The following H1-10 variants were observed in gnomAD, a reference collection of about 807,000 sequenced individuals.
H1-10 encodes the protein H1.10 linker histone, also known as histone H1.10.
For synonymous variants in H1-10, 191 were observed against 140.9 expected (o/e 1.36, Z -2.52); for missense variants, 307 against 297.9 (o/e 1.03, Z -0.22).
chr3:129,315,857 C>T lies in H1-10; in HGVS notation c.46G>A (p.Gly16Arg), dbSNP rs748144767. The T allele has an allele frequency of 2.2e-5, 35 of 1,599,086 alleles. No homozygotes were observed. The highest frequency in any genetic ancestry group is 2.7e-5 in the Non-Finnish European group (32 of 1,173,404). ...GCCTTGGTCACCTTCTTGGCCATTC[C>T]CTCGGCGGTCGTCACTGGCAGGGCC... ...EEALPVTTAE[G>R]MAKKVTKAGG... The change falls in exon 1 of 1, where the codon GGA (glycine) becomes AGA (arginine). Residue 16 changes from glycine to arginine, a missense_variant. Transcript: ENST00000333762.
In H1-10 at chr3:129,314,995, G is replaced by T; in HGVS notation, c.*266C>A. On this transcript the variant is annotated 3_prime_UTR_variant, in exon 1 of 1. Transcript: ENST00000333762. ...CGGCCTCGGCCATCGGCGCCTAGGG[G>T]CCAGTAACCATGACGACGGCCGTTG... 1 of 286,464 alleles carries T rather than the reference G, an allele frequency of 3.5e-6. No individual in the cohort carries two copies. The highest frequency in any genetic ancestry group is 6.4e-6 in the Non-Finnish European group (1 of 156,392). 17.7% of individuals were successfully genotyped at this position (286,464 alleles called of 1,614,324 possible).
In H1-10 at chr3:129,315,256, C is replaced by T; in HGVS notation, c.*5G>A. Reference sequence around the variant, plus strand: ...CACGCCGGCCGCTCTGACCGGCCGACACGCTCACTTGCGGCCCTTGGGCAC... The same window carrying T: ...CACGCCGGCCGCTCTGACCGGCCGATACGCTCACTTGCGGCCCTTGGGCAC... On this transcript the variant is annotated 3_prime_UTR_variant, in exon 1 of 1. Transcript: ENST00000333762. 3 of 1,381,000 alleles carry T rather than the reference C, an allele frequency of 2.2e-6. No individual in the cohort carries two copies. Among genetic ancestry groups the T allele is most frequent in the Non-Finnish European group, 1.9e-6 (2 of 1,068,960 alleles). The allele number at this position is 1,381,000 out of a possible 1,614,324, so 85.5% of individuals were successfully genotyped here. A position where few individuals can be genotyped will look rare whatever the true frequency, so the allele number is the denominator to read the frequency against.
chr3:129,315,223 G>A lies in H1-10; in HGVS notation c.*38C>T, dbSNP rs1373825918. The stretch of plus-strand genomic sequence containing the variant: ...CTTGGGGTAGAAAAACAAAAACACC[G>A]AAAAGCCCACGCCGGCCGCTCTGAC... On this transcript the variant is annotated 3_prime_UTR_variant, in exon 1 of 1. Transcript: ENST00000333762. 5 of 1,302,678 alleles carry A rather than the reference G, an allele frequency of 3.8e-6. No individual in the cohort carries two copies. The African/African-American group carries it at 6.1e-5, about 16-fold the overall frequency. 80.7% of individuals were successfully genotyped at this position (1,302,678 alleles called of 1,614,324 possible). A position where few individuals can be genotyped will look rare whatever the true frequency, so the allele number is the denominator to read the frequency against.
rs769229378 is a variant in H1-10, at chr3:129,315,329, C to T, written c.574G>A (p.Ala192Thr). The T allele has an allele frequency of 2.0e-5, 30 of 1,514,708 alleles. No individual in the cohort carries two copies. The highest frequency in any genetic ancestry group is 2.4e-5 in the Non-Finnish European group (27 of 1,135,358). 93.8% of individuals were successfully genotyped at this position (1,514,708 alleles called of 1,614,324 possible). A position where few individuals can be genotyped will look rare whatever the true frequency, so the allele number is the denominator to read the frequency against. The change falls in exon 1 of 1, where the codon GCC (alanine) becomes ACC (threonine). Residue 192 changes from alanine (A) to threonine (T), a missense_variant. By Grantham distance (58) the Ala-to-Thr change is moderately conservative (BLOSUM62 0). Coordinates refer to ENST00000333762, the MANE Select transcript of H1-10 (RefSeq NM_006026.4). Reference sequence around the variant, plus strand: ...GCCTTCTTCACCTTCTTGCCCCCGGCGGCCGCCGTCTTCTTGGCCTTGCCG... The same window carrying T: ...GCCTTCTTCACCTTCTTGCCCCCGGTGGCCGCCGTCTTCTTGGCCTTGCCG... ...KGGKAKKTAA[A>T]GGKKVKKAAK...
At position 129,316,260 on chromosome 3, in the gene H1-10, A is replaced by G. The variant is rs542080815; in HGVS notation, c.-358T>C. ...CGCAGCTTCCACTGGCGCCTCTGGA[A>G]CTCGCTGGGCGTGCGCGCTGCGCTC... is the stretch of plus-strand genomic sequence containing the variant. On this transcript the variant is annotated 5_prime_UTR_variant, in exon 1 of 1. Transcript: ENST00000333762. 44 of 165,116 alleles carry G rather than the reference A, an allele frequency of 2.7e-4. No individual in the cohort carries two copies. The highest frequency in any genetic ancestry group is 7.2e-4 in the Admixed American group (11 of 15,292). 10.2% of individuals were successfully genotyped at this position (165,116 alleles called of 1,614,324 possible). A position where few individuals can be genotyped will look rare whatever the true frequency, so the allele number is the denominator to read the frequency against.
At position 129,315,350 on chromosome 3, in the gene H1-10, T is replaced by G. The variant is rs1695919446; in HGVS notation, c.553A>C (p.Lys185Gln). ...CCGGCGGCCGCCGTCTTCTTGGCCT[T>G]GCCGCCTTTGTCCTTCTTGGCGCCA... Reference protein sequence around the residue: ...GAGAKKDKGGKAKKTAAAGGK... With the variant: ...GAGAKKDKGGQAKKTAAAGGK... The change falls in exon 1 of 1, where the codon AAG (lysine) becomes CAG (glutamine). Residue 185 changes from lysine (K) to glutamine (Q), a missense_variant. Transcript: ENST00000333762. The G allele has an allele frequency of 6.5e-7, 1 of 1,541,900 alleles. No individual in the cohort carries two copies. Among genetic ancestry groups the G allele is most frequent in the Admixed American group, 1.8e-5 (1 of 54,926 alleles).
rs1043570925 is a variant in H1-10 at position 129,314,950 on chromosome 3, C to A, written c.*311G>T. 9.3e-6 allele frequency: 2 copies of A among 214,182 alleles called. No homozygotes were observed. The highest frequency in any genetic ancestry group is 9.1e-6 in the Non-Finnish European group (1 of 109,638). 13.3% of individuals were successfully genotyped at this position (214,182 alleles called of 1,614,324 possible). A position where few individuals can be genotyped will look rare whatever the true frequency, so the allele number is the denominator to read the frequency against. On this transcript the variant is annotated 3_prime_UTR_variant, in exon 1 of 1. Coordinates refer to ENST00000333762, the MANE Select transcript of H1-10 (RefSeq NM_006026.4). ...GCGCCTGGGCCCGGCCAACCAGCGA[C>A]CCCGCCCGGTGGGCAGGCGCGGCCT...
At position 129,315,161 on chromosome 3, in the gene H1-10, G is replaced by A. The variant is rs11537840; in HGVS notation, c.*100C>T. 12 of 1,092,934 alleles carry A rather than the reference G, an allele frequency of 1.1e-5. No homozygotes were observed. In the African/African-American group the frequency reaches 1.8e-4, roughly 16 times the overall value. The allele number at this position is 1,092,934 out of a possible 1,614,324, so 67.7% of individuals were successfully genotyped here. On this transcript the variant is annotated 3_prime_UTR_variant, in exon 1 of 1. Transcript: ENST00000333762. Reference sequence around the variant, plus strand: ...CCCTGAGGCTCAGACCAGGCCTCGCGGCCCCGGCCGGCGTGAGCCGTACAA... The same window carrying A: ...CCCTGAGGCTCAGACCAGGCCTCGCAGCCCCGGCCGGCGTGAGCCGTACAA...
rs779085535 is a variant in H1-10 at position 129,315,945 on chromosome 3, G to A, written c.-43C>T. 9.4e-6 allele frequency: 14 copies of A among 1,489,004 alleles called. No homozygotes were observed. The Admixed American group carries it at 1.9e-4, about 20-fold the overall frequency. 92.2% of individuals were successfully genotyped at this position (1,489,004 alleles called of 1,614,324 possible). On this transcript the variant is annotated 5_prime_UTR_variant, in exon 1 of 1. Coordinates refer to ENST00000333762, the MANE Select transcript of H1-10 (RefSeq NM_006026.4). The stretch of plus-strand genomic sequence containing the variant: ...TGGCGGGCGGCGCGCGGAAGCCGGG[G>A]GGCCGCGCCGGGAAGAGGAAGGCGA...
Position 129,315,321 on chromosome 3 carries a change from GC to G in H1-10, c.581del (p.Gly194AlafsTer4), listed in dbSNP as rs1373731234. 1.3e-5 allele frequency: 20 copies of G among 1,510,830 alleles called. No homozygotes were observed. Among genetic ancestry groups the G allele is most frequent in the South Asian group, 8.8e-5 (7 of 79,952 alleles). 93.6% of individuals were successfully genotyped at this position (1,510,830 alleles called of 1,614,324 possible). On this transcript the variant is annotated frameshift_variant, in exon 1 of 1. Coordinates refer to ENST00000333762, the MANE Select transcript of H1-10 (RefSeq NM_006026.4). LOFTEE classifies it high-confidence loss of function. ...GCTTGGCCGCCTTCTTCACCTTCTT[GC>G]CCCCGGCGGCCGCCGTCTTCTTGGC... ...GKAKKTAAAG[G>X]KKVKKAAKPS...
At position 129,315,409 on chromosome 3, in the gene H1-10, T is replaced by G; in HGVS notation, c.494A>C (p.Gln165Pro). 6.6e-7 allele frequency: 1 copy of G among 1,521,294 alleles called. No individual in the cohort carries two copies. 94.2% of individuals were successfully genotyped at this position (1,521,294 alleles called of 1,614,324 possible). Reference protein sequence around the residue: ...RRADKKPARGQKPEQRSHKKG... With the variant: ...RRADKKPARGPKPEQRSHKKG... The stretch of plus-strand genomic sequence containing the variant: ...CTTGTGCGAGCGCTGCTCCGGCTTC[T>G]GGCCCCTGGCGGGCTTCTTGTCCGC... Residue 165 changes from glutamine (Q) to proline (P), a missense_variant, in exon 1 of 1, where the codon CAG becomes CCG. Physicochemically the swap from Gln to Pro is moderately conservative, Grantham distance 76. Coordinates refer to ENST00000333762, the MANE Select transcript of H1-10 (RefSeq NM_006026.4).
rs779283052 is a variant in H1-10 at position 129,315,494 on chromosome 3, G to C, written c.409C>G (p.Pro137Ala). Residue 137 changes from proline (P) to alanine (A), a missense_variant, in exon 1 of 1, where the codon CCG (proline) becomes GCG (alanine). Coordinates refer to ENST00000333762, the MANE Select transcript of H1-10 (RefSeq NM_006026.4). The stretch of plus-strand genomic sequence containing the variant: ...TTCGCTTTGTGCGCGGTGGGGGCCG[G>C]GGCGGTGGCGGCCGCCGGGGCTCCG... ...RRGAPAAATA[P>A]APTAHKAKKA... 6.5e-7 allele frequency: 1 copy of C among 1,529,330 alleles called. No homozygotes were observed. Among genetic ancestry groups the C allele is most frequent in the South Asian group, 1.2e-5 (1 of 83,180 alleles). The allele number at this position is 1,529,330 out of a possible 1,614,324, so 94.7% of individuals were successfully genotyped here.
rs140493415 is a variant in H1-10, at chr3:129,315,741, C to T, written c.162G>A (p.Glu54=). The part of the protein sequence containing the change: ...QPGKYSQLVV[E]TIRRLGERNG... ...TGCGCTCGCCCAGCCTACGGATGGT[C>T]TCCACCACCAGCTGGCTGTACTTGC... is the stretch of plus-strand genomic sequence containing the variant. Residue 54 remains glutamate (E), a synonymous_variant, in exon 1 of 1, where the codon GAG becomes GAA. Coordinates refer to ENST00000333762, the MANE Select transcript of H1-10 (RefSeq NM_006026.4). 2,597 of 1,596,484 alleles carry T rather than the reference C, an allele frequency of 1.6e-3. 35 individuals carry two copies. In the African/African-American group the frequency reaches 0.031, roughly 19 times the overall value.
At position 129,315,756 on chromosome 3, in the gene H1-10, G is replaced by C. The variant is rs1416061234; in HGVS notation, c.147C>G (p.Ser49Arg). The C allele has an allele frequency of 6.2e-7, 1 of 1,600,640 alleles. No homozygotes were observed. The highest frequency in any genetic ancestry group is 8.5e-7 in the Non-Finnish European group (1 of 1,174,362). ...SKKKNQPGKY[S>R]QLVVETIRRL... ...TACGGATGGTCTCCACCACCAGCTG[G>C]CTGTACTTGCCCGGCTGGTTCTTCT... is the stretch of plus-strand genomic sequence containing the variant. Residue 49 changes from serine (S) to arginine (R), a missense_variant, in exon 1 of 1, where the codon AGC (serine) becomes AGG (arginine). Transcript: ENST00000333762.
In H1-10 at chr3:129,315,078, C is replaced by G. The variant is rs1173366295; in HGVS notation, c.*183G>C. ...GGCTGTTTCAAAAACCTAAAGCAAA[C>G]AACGAAAAACGCTACATCGTTGGGG... On this transcript the variant is annotated 3_prime_UTR_variant, in exon 1 of 1. Coordinates refer to ENST00000333762, the MANE Select transcript of H1-10 (RefSeq NM_006026.4). 1.6e-5 allele frequency: 7 copies of G among 449,954 alleles called. No homozygotes were observed. The highest frequency in any genetic ancestry group is 2.2e-5 in the Non-Finnish European group (6 of 275,448). 27.9% of individuals were successfully genotyped at this position (449,954 alleles called of 1,614,324 possible).
Position 129,315,851 on chromosome 3 carries a change from C to T in H1-10, c.52G>A (p.Ala18Thr), listed in dbSNP as rs370057680. Residue 18 changes from alanine to threonine, a missense_variant, in exon 1 of 1, where the codon GCC (alanine) becomes ACC (threonine). Physicochemically the swap from Ala to Thr is moderately conservative, Grantham distance 58 (BLOSUM62 0). Coordinates refer to ENST00000333762, the MANE Select transcript of H1-10 (RefSeq NM_006026.4). The stretch of plus-strand genomic sequence containing the variant: ...CCGCCAGCCTTGGTCACCTTCTTGG[C>T]CATTCCCTCGGCGGTCGTCACTGGC... ...ALPVTTAEGM[A>T]KKVTKAGGSA... 1.2e-5 allele frequency: 20 copies of T among 1,601,270 alleles called. No homozygotes were observed. Among genetic ancestry groups the T allele is most frequent in the South Asian group, 5.6e-5 (5 of 88,760 alleles).
Position 129,315,489 on chromosome 3 carries a change from G to C in H1-10, c.414C>G (p.Ala138=). The C allele has an allele frequency of 1.3e-6, 2 of 1,527,432 alleles. No individual in the cohort carries two copies. The highest frequency in any genetic ancestry group is 1.8e-6 in the Non-Finnish European group (2 of 1,141,526). The allele number at this position is 1,527,432 out of a possible 1,614,324, so 94.6% of individuals were successfully genotyped here. A position where few individuals can be genotyped will look rare whatever the true frequency, so the allele number is the denominator to read the frequency against. ...CCTTCTTCGCTTTGTGCGCGGTGGG[G>C]GCCGGGGCGGTGGCGGCCGCCGGGG... The part of the protein sequence containing the change: ...RGAPAAATAP[A]PTAHKAKKAA... Residue 138 remains alanine, a synonymous_variant, in exon 1 of 1, where the codon GCC becomes GCG. Coordinates refer to ENST00000333762, the MANE Select transcript of H1-10 (RefSeq NM_006026.4).
chr3:129,315,102 G>C lies in H1-10; in HGVS notation c.*159C>G, dbSNP rs1257876819. 2 of 488,010 alleles carry C rather than the reference G, an allele frequency of 4.1e-6. No homozygotes were observed. The highest frequency in any genetic ancestry group is 6.5e-6 in the Non-Finnish European group (2 of 308,518). The allele number at this position is 488,010 out of a possible 1,614,324, so 30.2% of individuals were successfully genotyped here. ...ACAACGAAAAACGCTACATCGTTGG[G>C]GGAGGGGAAAGACTGAGAGGACCCG... On this transcript the variant is annotated 3_prime_UTR_variant, in exon 1 of 1. Transcript: ENST00000333762.
Position 129,315,553 on chromosome 3 carries a change from T to C in H1-10, c.350A>G (p.Asn117Ser). ...GTGANGSFKLNRKKLEGGGER... is the reference protein window; with the variant it reads ...GTGANGSFKLSRKKLEGGGER... ...CCCGCCGCCCTCCAGCTTCTTGCGGTTGAGCTTGAAGGAACCGTTGGCGCC... is the reference window on the plus strand; with the variant it reads ...CCCGCCGCCCTCCAGCTTCTTGCGGCTGAGCTTGAAGGAACCGTTGGCGCC... The change falls in exon 1 of 1, where the codon AAC (asparagine) becomes AGC (serine). Residue 117 changes from asparagine (N) to serine (S), a missense_variant. Asn to Ser is a conservative substitution (Grantham distance 46). Coordinates refer to ENST00000333762, the MANE Select transcript of H1-10 (RefSeq NM_006026.4). 1 of 1,547,140 alleles carries C rather than the reference T, an allele frequency of 6.5e-7. No individual in the cohort carries two copies. Among genetic ancestry groups the C allele is most frequent in the South Asian group, 1.2e-5 (1 of 84,008 alleles).
Sources: gnomAD v4.1 joint callset for allele counts on GRCh38, gnomAD v4.1.1 for gene constraint, MANE v1.5 for transcripts, NCBI Gene and HGNC (gene_info 2026-07-23, HGNC 2026-07-21) for gene names.